SORT1: variants seen among roughly 807,000 people sequenced by gnomAD.
SORT1 encodes sortilin.
SORT1 carries 39 observed loss-of-function variants against 101.7 expected under a neutral mutation model. That is an observed-to-expected ratio of 0.38 (90% CI 0.30 to 0.50). SORT1 has a LOEUF of 0.50. SORT1 is among the 20% of genes least tolerant of loss of function. The pLI, the probability that SORT1 is intolerant of heterozygous loss-of-function variation, is 0.90. For synonymous variants in SORT1, 396 were observed against 393.7 expected (o/e 1.01, Z -0.07); for missense variants, 878 against 1,040.4 (o/e 0.84, Z 2.15).
chr1:109,354,372 T>G lies in SORT1; in HGVS notation c.703A>C (p.Thr235Pro). 1 of 1,612,972 alleles carries G rather than the reference T, an allele frequency of 6.2e-7. No individual in the cohort carries two copies. The highest frequency in any genetic ancestry group is 8.5e-7 in the Non-Finnish European group (1 of 1,179,154). The stretch of plus-strand genomic sequence containing the variant: ...TGTTCCTCAACTGGACTTACTTCAG[T>G]GCTGAGAGCTAAAAGATAATCAGAA... ...QNSDYLLALS[T>P]ENGLWVSKNF... The change falls in exon 5 of 20, where the codon ACT becomes CCT. Residue 235 changes from threonine to proline, a missense_variant. Thr to Pro is a conservative substitution (Grantham distance 38). Transcript: ENST00000256637.
chr1:109,389,210 G>A (rs996911738), intron 1 of SORT1, among the ~76,000 whole-genome samples: 5 of 152,090 alleles, frequency 3.3e-5, no homozygotes, highest in Admixed American at 6.6e-5. Context: ...ATACTCATAC[G>A]GTACTTCAAG....
rs1443028764 is a variant in SORT1 at position 109,354,370 on chromosome 1, A to G, written c.705T>C (p.Thr235=). The change falls in exon 5 of 20, where the codon ACT becomes ACC. Residue 235 remains threonine, a synonymous_variant. Coordinates refer to ENST00000256637, the MANE Select transcript of SORT1 (RefSeq NM_002959.7). The part of the protein sequence containing the change: ...QNSDYLLALS[T]ENGLWVSKNF... ...CATGTTCCTCAACTGGACTTACTTC[A>G]GTGCTGAGAGCTAAAAGATAATCAG... 1 of 1,612,114 alleles carries G rather than the reference A, an allele frequency of 6.2e-7. No individual in the cohort carries two copies. The highest frequency in any genetic ancestry group is 2.2e-5 in the East Asian group (1 of 44,846).
chr1:109,319,815 T>C (rs1398367338), intron 15 of SORT1, among the ~76,000 whole-genome samples: 1 of 149,980 alleles, frequency 6.7e-6, no homozygotes, highest in East Asian at 2.0e-4. Flanking sequence ...TGCAGTGAGC[T>C]GAGATCGCAC....
rs1274661253 is a variant in SORT1, at chr1:109,340,734, C to G, written c.1254G>C (p.Val418=). ...GATGCCGAGACTCACCTTCGGAGAGCACGCTTGTTATGTAGACGCCGCGGA... is the reference window on the plus strand; with the variant it reads ...GATGCCGAGACTCACCTTCGGAGAGGACGCTTGTTATGTAGACGCCGCGGA... ...TSLRGVYITS[V]LSEDNSIQTM... is the part of the protein sequence containing the mutation. The change falls in exon 10 of 20, where the codon GTG becomes GTC. Residue 418 remains valine (V), a synonymous_variant. Coordinates refer to ENST00000256637, the MANE Select transcript of SORT1 (RefSeq NM_002959.7). 2 of 1,613,990 alleles carry G rather than the reference C, an allele frequency of 1.2e-6. No individual in the cohort carries two copies. The highest frequency in any genetic ancestry group is 2.7e-5 in the African/African-American group (2 of 74,910).
At chr1:109,333,262 C>A (rs1005013309) in intron 11 of SORT1, among the ~76,000 whole-genome samples, 4 of 152,002 alleles carry the variant, frequency 2.6e-5, no homozygotes, top group Admixed American at 6.6e-5. Flanking sequence ...AAAATCAACT[C>A]AAAATGGATT....
chr1:109,346,314 T>TA (rs56298313), intron 7 of SORT1, among the ~76,000 whole-genome samples: 2,438 of 86,716 alleles, frequency 0.028, 64 homozygotes, highest in African/African-American at 0.089. Context: ...CTCCGTCTCA[T>TA]AAAAAAAAAA....
chr1:109,333,695 T>C (rs1191592573), intron 11 of SORT1, among the ~76,000 whole-genome samples: 1 of 152,054 alleles, frequency 6.6e-6, no homozygotes. Flanking sequence ...AAAACCACAA[T>C]GAGATATTAT....
At chr1:109,373,336 G>T (rs1462153823) in intron 1 of SORT1, among the ~76,000 whole-genome samples, 3 of 152,118 alleles carry the variant, frequency 2.0e-5, no homozygotes, top group Non-Finnish European at 4.4e-5. Flanking sequence ...GAAGATTAGA[G>T]AAGAAAGACT....
At chr1:109,371,959 TA>T (rs1164208447) in intron 1 of SORT1, among the ~76,000 whole-genome samples, 3 of 152,010 alleles carry the variant, frequency 2.0e-5, no homozygotes, top group Non-Finnish European at 4.4e-5. Flanking sequence ...TGGTGAAAGT[TA>T]AAAAAGAAAA....
chr1:109,356,624 G>A (rs992997528), intron 3 of SORT1, among the ~76,000 whole-genome samples: 9 of 152,196 alleles, frequency 5.9e-5, no homozygotes, highest in Non-Finnish European at 1.3e-4. Flanking sequence ...GCAAGTTCTT[G>A]AAGTTTTTCC....
chr1:109,347,713 C>T (rs1401576924), intron 6 of SORT1, among the ~76,000 whole-genome samples, 181 bp from the exon 7 acceptor site: 1 of 152,184 alleles, frequency 6.6e-6, no homozygotes, highest in Admixed American at 6.5e-5. Flanking sequence ...CCCCACTGCC[C>T]GGCCCATGTG....
chr1:109,349,324 A>C (rs1193598287), intron 6 of SORT1, among the ~76,000 whole-genome samples: 1 of 152,190 alleles, frequency 6.6e-6, no homozygotes, highest in East Asian at 1.9e-4. Context: ...CAGCCTGGGC[A>C]ACAGAGCAAG....
chr1:109,323,563 T>C (rs1466199044), intron 14 of SORT1, among the ~76,000 whole-genome samples: 1 of 152,242 alleles, frequency 6.6e-6, no homozygotes, highest in Admixed American at 6.5e-5. Flanking sequence ...ACAGGTTCAA[T>C]TTCACCATGT....
intron 11 of SORT1, among the ~76,000 whole-genome samples, chr1:109,334,254 C>G (rs1341377208): frequency 1.3e-5 from 2 of 152,146 alleles, no homozygotes; most frequent in South Asian, 4.1e-4. Flanking sequence ...ATCTGTGCTC[C>G]CATGTCCACT....
chr1:109,355,870 T>C (rs1650283655), intron 3 of SORT1, among the ~76,000 whole-genome samples: 1 of 152,082 alleles, frequency 6.6e-6, no homozygotes, highest in African/African-American at 2.4e-5. Context: ...TTGGTAATGT[T>C]TGCAGACTTT....
At chr1:109,364,824 C>G (rs1215737102) in intron 3 of SORT1, among the ~76,000 whole-genome samples, 1 of 152,188 alleles carries the variant, frequency 6.6e-6, no homozygotes, top group Non-Finnish European at 1.5e-5. Flanking sequence ...CTAACAGCAC[C>G]AAGCTATTAC....
Position 109,313,749 on chromosome 1 carries a change from TA to T in SORT1, c.*293del. 1 of 384,446 alleles carries T rather than the reference TA, an allele frequency of 2.6e-6. No individual in the cohort carries two copies. The highest frequency in any genetic ancestry group is 4.4e-6 in the Non-Finnish European group (1 of 225,106). 23.8% of individuals were successfully genotyped at this position (384,446 alleles called of 1,614,324 possible). A position where few individuals can be genotyped will look rare whatever the true frequency, so the allele number is the denominator to read the frequency against. ...CCTTCGAATTCCATTTCGTTTCCCT[TA>T]AAAAACAAAAACAAAAAAGCCCATA... is the stretch of plus-strand genomic sequence containing the variant. On this transcript the variant is annotated 3_prime_UTR_variant, in exon 20 of 20. Transcript: ENST00000256637.
At chr1:109,397,134 C>G (rs1442154442) in intron 1 of SORT1, 1 of 152,284 alleles carries the variant, frequency 6.6e-6, no homozygotes, top group Admixed American at 6.5e-5. Context: ...AACACGGTGA[C>G]CAGATCGCTG....
chr1:109,387,594 G>C (rs1570990036), intron 1 of SORT1, among the ~76,000 whole-genome samples: 1 of 152,110 alleles, frequency 6.6e-6, no homozygotes, highest in African/African-American at 2.4e-5. Flanking sequence ...CAGATGACCA[G>C]GTATCTGATT....
Sources: allele counts gnomAD v4.1 joint callset (sites outside exome capture counted in the v4.1 genomes callset), GRCh38; gene constraint gnomAD v4.1.1; transcripts MANE v1.5; gene names NCBI Gene and HGNC (gene_info 2026-07-23, HGNC 2026-07-21).